CRY2: variants seen among roughly 807,000 people sequenced by gnomAD.
The protein encoded by CRY2 is cryptochrome-2.
Under a neutral mutation model 69.5 loss-of-function variants are expected in CRY2, and 31 were observed. The ratio of observed to expected loss-of-function variants is 0.45; its 90% CI spans 0.34 to 0.60. The LOEUF is 0.60. CRY2 is among the 20% of genes least tolerant of loss of function. CRY2 has a pLI of 0.02. For synonymous variants in CRY2, 303 were observed against 312.2 expected (o/e 0.97, Z 0.31); for missense variants, 606 against 797.8 (o/e 0.76, Z 2.90).
chr11:45,858,402 G>A (rs2086260026), intron 2 of CRY2: 1 of 242,346 alleles, frequency 4.1e-6, no homozygotes, highest in Non-Finnish European at 8.0e-6. Context: ...GCCACTCTCT[G>A]GGACTGGGGG....
At chr11:45,879,497 TTCTAAAAGTCTTCTTC>T (rs1257469829) in intron 11 of CRY2, among the ~76,000 whole-genome samples, 1 of 152,264 alleles carries the variant, frequency 6.6e-6, no homozygotes, top group African/African-American at 2.4e-5. Context: ...GTTGAATTTC[TTCTAAAAGTCTTCTTC>T]TCTAAAAGTC....
upstream of CRY2, chr11:45,847,402 C>T (rs781289344): frequency 2.6e-5 from 42 of 1,589,902 alleles, no homozygotes; most frequent in African/African-American, 6.7e-5. Context: ...GGTGGAGTTG[C>T]GGCGTCATAG....
chr11:45,862,675 G>A (rs1275129753), intron 5 of CRY2, among the ~76,000 whole-genome samples: 4 of 152,206 alleles, frequency 2.6e-5, no homozygotes, highest in Non-Finnish European at 4.4e-5. Flanking sequence ...CTACTAAGAG[G>A]ATATCTGGTT....
chr11:45,860,405 A>AC (rs1565058543), intron 3 of CRY2, among the ~76,000 whole-genome samples: 1 of 151,658 alleles, frequency 6.6e-6, no homozygotes, highest in Non-Finnish European at 1.5e-5. Context: ...AAAAAAAAAA[A>AC]ACATGTCTTC....
chr11:45,866,971 AT>A (rs2086336365), intron 5 of CRY2, among the ~76,000 whole-genome samples: 1 of 152,182 alleles, frequency 6.6e-6, no homozygotes, highest in Admixed American at 6.5e-5. Flanking sequence ...AGAAAAAAAA[AT>A]AAATAAAAAA....
At chr11:45,872,002 C>T (rs1173042857) in intron 10 of CRY2, 90 bp from the exon 11 acceptor site, 1 of 1,531,082 alleles carries the variant, frequency 6.5e-7, no homozygotes. Context: ...AAGTGTGCTC[C>T]CTGTCCCCTA....
intron 1 of CRY2, among the ~76,000 whole-genome samples, chr11:45,848,621 A>C (rs2086170968): frequency 6.6e-6 from 1 of 152,176 alleles, no homozygotes; most frequent in African/African-American, 2.4e-5. Context: ...GTGTATTTTC[A>C]CTGTAAACAG....
chr11:45,853,484 C>A (rs1374928733), intron 1 of CRY2, among the ~76,000 whole-genome samples: 1 of 152,136 alleles, frequency 6.6e-6, no homozygotes, highest in Admixed American at 6.5e-5. Context: ...AAATAAAGTT[C>A]TATAGAAGGC....
chr11:45,853,844 A>G (rs952404351), intron 1 of CRY2, among the ~76,000 whole-genome samples: 2 of 152,156 alleles, frequency 1.3e-5, no homozygotes, highest in Non-Finnish European at 1.5e-5. Flanking sequence ...GGAGGTGACA[A>G]TTTTTCAAAA....
intron 8 of CRY2, 50 bp downstream of exon 8, chr11:45,870,254 C>G (rs1425627578): frequency 1.2e-6 from 2 of 1,611,070 alleles, no homozygotes; most frequent in Non-Finnish European, 1.7e-6. Context: ...TGGCCTCCTA[C>G]TAGGATGGGA....
At chr11:45,861,730 C>T (rs1273241630) in intron 4 of CRY2, 6 of 282,256 alleles carry the variant, frequency 2.1e-5, no homozygotes, top group Non-Finnish European at 3.4e-5. Context: ...ACGTGAGCCA[C>T]ACCTCCAGTC....
At chr11:45,860,128 G>A (rs896054041) in intron 3 of CRY2, among the ~76,000 whole-genome samples, 6 of 152,234 alleles carry the variant, frequency 3.9e-5, no homozygotes, top group African/African-American at 1.2e-4. Context: ...AACAGCCTCC[G>A]TTCTCTTCTT....
intron 1 of CRY2, among the ~76,000 whole-genome samples, chr11:45,854,528 A>G (rs2086224261): frequency 6.6e-6 from 1 of 152,156 alleles, no homozygotes; most frequent in Non-Finnish European, 1.5e-5. Flanking sequence ...TACTAAAAAT[A>G]TTGTTTAAAA....
intron 5 of CRY2, among the ~76,000 whole-genome samples, chr11:45,867,050 T>C (rs1284123178): frequency 1.3e-5 from 2 of 152,188 alleles, no homozygotes; most frequent in Non-Finnish European, 2.9e-5. Context: ...CCAGTGATGA[T>C]AAAAACATGA....
intron 1 of CRY2, among the ~76,000 whole-genome samples, chr11:45,855,051 A>G (rs182693812): frequency 7.2e-5 from 11 of 152,334 alleles, no homozygotes; most frequent in African/African-American, 2.6e-4. Flanking sequence ...TGTTAATTTA[A>G]TTTAAAAATA....
chr11:45,861,016 C>G lies in CRY2; in HGVS notation c.636C>G (p.Pro212=). 2 of 1,613,044 alleles carry G rather than the reference C, an allele frequency of 1.2e-6. No individual in the cohort carries two copies. Among genetic ancestry groups the G allele is most frequent in the Non-Finnish European group, 1.7e-6 (2 of 1,179,872 alleles). The stretch of plus-strand genomic sequence containing the variant: ...ACCACGACGAGACCTACGGCGTGCC[C>G]TCCCTGGAGGAGCTGGGTGCGTACT... ...QENHDETYGV[P]SLEELGFPTE... The change falls in exon 4 of 12, where the codon CCC becomes CCG. Residue 212 remains proline (P), a synonymous_variant. Coordinates refer to ENST00000616080, the MANE Select transcript of CRY2 (RefSeq NM_021117.5).
chr11:45,859,806 C>CCAG (rs940811549), intron 3 of CRY2, among the ~76,000 whole-genome samples: 5 of 152,116 alleles, frequency 3.3e-5, no homozygotes, highest in Admixed American at 6.5e-5. Context: ...TGCTGCCAAG[C>CCAG]CAGCAGCCGC....
At position 45,860,913 on chromosome 11, in the gene CRY2, G is replaced by A. The variant is rs144003583; in HGVS notation, c.533G>A (p.Arg178His). 352 of 1,614,122 alleles carry A rather than the reference G, an allele frequency of 2.2e-4. 2 individuals are homozygous for A. The highest frequency in any genetic ancestry group is 1.3e-3 in the Admixed American group (77 of 60,022). ...AAGCGCTTTCAGGCCATCATCAGCC[G>A]CATGGAGCTGCCCAAGAAGCCAGTG... ...TYKRFQAIIS[R>H]MELPKKPVGL... Residue 178 changes from arginine (R) to histidine (H), a missense_variant, in exon 4 of 12, where the codon CGC (arginine) becomes CAC (histidine). This residue lies in a region of CRY2 where 382 missense variants were observed against 508.9 expected (regional missense o/e 0.75). Transcript: ENST00000616080.
At chr11:45,880,617 C>G (rs1194363582) in intron 11 of CRY2, among the ~76,000 whole-genome samples, 2 of 152,198 alleles carry the variant, frequency 1.3e-5, no homozygotes, top group African/African-American at 2.4e-5. Flanking sequence ...CCCAGGGCTT[C>G]ACGTGACTCT....
Sources: allele counts gnomAD v4.1 joint callset (sites outside exome capture counted in the v4.1 genomes callset), GRCh38; gene constraint gnomAD v4.1.1; regional missense constraint gnomAD v4.1.1; transcripts MANE v1.5; gene names NCBI Gene and HGNC (gene_info 2026-07-23, HGNC 2026-07-21).